KMT2C: variants seen among roughly 807,000 people sequenced by gnomAD.
KMT2C encodes lysine methyltransferase 2C, also known as histone-lysine N-methyltransferase 2C.
Under a neutral mutation model 507.9 loss-of-function variants are expected in KMT2C, and 88 were observed. That is an observed-to-expected ratio of 0.17 (90% CI 0.15 to 0.21). KMT2C has a LOEUF of 0.21. Ranked by LOEUF, KMT2C falls within the 10% of genes least tolerant of loss-of-function variation. The pLI, the probability that KMT2C is intolerant of heterozygous loss-of-function variation, is 1.00. For missense variants in KMT2C, 4,954 were observed against 5,957.8 expected (o/e 0.83, Z 5.55); for synonymous variants, 2,049 against 2,080.8 (o/e 0.98, Z 0.42).
At chr7:152,191,375 T>C (rs1395281380) in intron 31 of KMT2C, among the ~76,000 whole-genome samples, 2 of 152,186 alleles carry the variant, frequency 1.3e-5, no homozygotes, top group African/African-American at 2.4e-5. Flanking sequence ...TTATACATAG[T>C]CTAATTCACT....
intron 7 of KMT2C, among the ~76,000 whole-genome samples, chr7:152,270,497 G>A (rs747240535): frequency 1.3e-5 from 2 of 152,136 alleles, no homozygotes; most frequent in African/African-American, 4.8e-5. Context: ...AGGCCTACAT[G>A]ATCTAGCCTT....
chr7:152,417,214 G>A (rs1346183755), intron 1 of KMT2C, among the ~76,000 whole-genome samples: 2 of 151,870 alleles, frequency 1.3e-5, no homozygotes, highest in Non-Finnish European at 2.9e-5. Context: ...TTCCTCCCAG[G>A]TTCAAGCGAC....
intron 26 of KMT2C, among the ~76,000 whole-genome samples, chr7:152,201,617 G>GGAAAAAAAAAAAAAAAAAAAA (rs1491277955): frequency 1.3e-4 from 3 of 22,908 alleles, no homozygotes; most frequent in African/African-American, 2.5e-4. Context: ...CAACAAAGAT[G>GGAAAAAAAAAAAAAAAAAAAA]AAAAAAAAAA....
intron 6 of KMT2C, among the ~76,000 whole-genome samples, chr7:152,279,080 T>C (rs2096148724): frequency 1.3e-5 from 2 of 152,174 alleles, no homozygotes; most frequent in African/African-American, 4.8e-5. Flanking sequence ...CCACATATTT[T>C]AAAAAGCAGG....
chr7:152,359,220 A>G (rs1031173312), intron 1 of KMT2C, among the ~76,000 whole-genome samples: 2 of 152,100 alleles, frequency 1.3e-5, no homozygotes, highest in African/African-American at 4.8e-5. Flanking sequence ...TTTAATTTAT[A>G]AACACTTCAG....
At chr7:152,155,387 G>A (rs1042902623) in intron 46 of KMT2C, among the ~76,000 whole-genome samples, 13 of 152,148 alleles carry the variant, frequency 8.5e-5, no homozygotes, top group Admixed American at 8.5e-4. Flanking sequence ...GTTGGCTAGC[G>A]ATCATCTACT....
intron 2 of KMT2C, among the ~76,000 whole-genome samples, chr7:152,356,600 T>C (rs1368627003): frequency 6.7e-6 from 1 of 150,212 alleles, no homozygotes; most frequent in East Asian, 2.0e-4. Flanking sequence ...TTAAAAAAAA[T>C]AATAATCAGG....
intron 16 of KMT2C, among the ~76,000 whole-genome samples, chr7:152,232,739 C>A (rs2129153207): frequency 6.6e-6 from 1 of 151,844 alleles, no homozygotes; most frequent in Admixed American, 6.5e-5. Flanking sequence ...AGAGAATCAT[C>A]CAAGATGATT....
chr7:152,215,737 C>G (rs2094567140), intron 23 of KMT2C, among the ~76,000 whole-genome samples: 2 of 150,462 alleles, frequency 1.3e-5, no homozygotes, highest in African/African-American at 4.9e-5. Context: ...CACACACACA[C>G]ACACACACAC....
chr7:152,317,731 G>C (rs934249510), intron 3 of KMT2C, among the ~76,000 whole-genome samples: 1 of 152,174 alleles, frequency 6.6e-6, no homozygotes, highest in Non-Finnish European at 1.5e-5. Context: ...ACTCAGCCAG[G>C]AACAGTGGCT....
intron 2 of KMT2C, among the ~76,000 whole-genome samples, chr7:152,345,248 AT>A (rs200953706): frequency 3.3e-5 from 5 of 149,434 alleles, no homozygotes; most frequent in African/African-American, 7.4e-5. Context: ...CAAAAAAACT[AT>A]TTTTTTTTTA....
rs2129114894 is a variant in KMT2C at position 152,177,489 on chromosome 7, C to T, written c.7964G>A (p.Gly2655Asp). The T allele has an allele frequency of 4.3e-6, 7 of 1,614,206 alleles. No individual in the cohort carries two copies. The highest frequency in any genetic ancestry group is 5.1e-6 in the Non-Finnish European group (6 of 1,180,028). ...TGACAAAGGAGCTTCTGAAAATTCA[C>T]CACCTAGTGGATGGTTCAGAGTCCT... ...VMRTLNHPLG[G>D]EFSEAPLSTS... Residue 2655 changes from glycine (G) to aspartate (D), a missense_variant, in exon 38 of 59, where the codon GGT (glycine) becomes GAT (aspartate). This residue lies in a region of KMT2C where 1,689 missense variants were observed against 1,654.3 expected (regional missense o/e 1.02). Coordinates refer to ENST00000262189, the MANE Select transcript of KMT2C (RefSeq NM_170606.3).
chr7:152,274,906 T>C (rs1019982767), intron 6 of KMT2C, among the ~76,000 whole-genome samples: 3 of 152,192 alleles, frequency 2.0e-5, no homozygotes, highest in African/African-American at 7.2e-5. Flanking sequence ...TAGAAAGGTG[T>C]TCCTATACAT....
chr7:152,226,363 A>T (rs560297500), intron 18 of KMT2C, among the ~76,000 whole-genome samples: 2 of 151,456 alleles, frequency 1.3e-5, no homozygotes, highest in African/African-American at 4.9e-5. Flanking sequence ...CTCCTGAGTA[A>T]CTAGGACTAC....
rs1446530465 is a variant in KMT2C, at chr7:152,181,911, G to A, written c.5949C>T (p.Gly1983=). ...VMTDQFPKSL[G]LSRSPVVSEQ... is the part of the protein sequence containing the mutation. ...CTGAAACTACAGGAGACCGGGATAG[G>A]CCCAAGGATTTGGGAAATTGATCTG... The change falls in exon 36 of 59, where the codon GGC becomes GGT. Residue 1983 remains glycine (G), a synonymous_variant. Transcript: ENST00000262189. 3 of 1,614,060 alleles carry A rather than the reference G, an allele frequency of 1.9e-6. No individual in the cohort carries two copies. The highest frequency in any genetic ancestry group is 2.5e-6 in the Non-Finnish European group (3 of 1,180,034).
rs2129119172 is a variant in KMT2C at position 152,180,812 on chromosome 7, A to T, written c.7048T>A (p.Ser2350Thr). 1 of 1,614,216 alleles carries T rather than the reference A, an allele frequency of 6.2e-7. No homozygotes were observed. The highest frequency in any genetic ancestry group is 8.5e-7 in the Non-Finnish European group (1 of 1,180,030). ...GGTCCAGGAAGTTGGGAGACACCAG[A>T]GAACTGCTGGCCTTGGGAGTGCATT... ...SPMHSQGQQF[S>T]GVSQLPGPVP... The change falls in exon 36 of 59, where the codon TCT (serine) becomes ACT (threonine). Residue 2350 changes from serine to threonine, a missense_variant. This residue lies in a region of KMT2C where 1,689 missense variants were observed against 1,654.3 expected (regional missense o/e 1.02). Transcript: ENST00000262189.
At chr7:152,193,163 GAGA>G (rs2093856105) in intron 31 of KMT2C, among the ~76,000 whole-genome samples, 1 of 152,130 alleles carries the variant, frequency 6.6e-6, no homozygotes, top group Non-Finnish European at 1.5e-5. Context: ...GTGACAGAGC[GAGA>G]CCGTTTCAAA....
In KMT2C at chr7:152,423,072, G is replaced by A. The variant is rs542902762; in HGVS notation, c.161+12554C>T. 5.9e-5 allele frequency among the ~76,000 whole-genome samples: 9 copies of A among 151,994 alleles called. No homozygotes were observed. In the East Asian group the frequency reaches 1.7e-3, roughly 30 times the overall value. On this transcript the variant is annotated intron_variant, in intron 1 of 58. Transcript: ENST00000262189. Reference sequence around the variant, plus strand: ...AACTACATTCCCAGCCGGGTGCGGTGGCTCACGCCTGTAATTCCAAAACTT... The same window carrying A: ...AACTACATTCCCAGCCGGGTGCGGTAGCTCACGCCTGTAATTCCAAAACTT...
At chr7:152,281,729 C>A (rs1472791046) in intron 6 of KMT2C, among the ~76,000 whole-genome samples, 13 of 151,052 alleles carry the variant, frequency 8.6e-5, no homozygotes, top group African/African-American at 3.2e-4. Flanking sequence ...GAGACTCCAT[C>A]TCAAAAACAA....
Sources: gnomAD v4.1 joint callset for allele counts (sites outside exome capture counted in the v4.1 genomes callset) on GRCh38, gnomAD v4.1.1 for gene constraint, gnomAD v4.1.1 regional missense constraint, MANE v1.5 for transcripts, NCBI Gene and HGNC (gene_info 2026-07-23, HGNC 2026-07-21) for gene names.